Variants in ZFAT observed in about 807,000 individuals in gnomAD.
The protein encoded by ZFAT is zinc finger and AT-hook domain containing.
A neutral mutation model predicts 117.7 loss-of-function variants in ZFAT; 64 were observed. The ratio of observed to expected loss-of-function variants is 0.54; its 90% CI spans 0.44 to 0.67. The LOEUF is 0.67. ZFAT is among the 30% of genes least tolerant of loss of function. The pLI is 0.00. For synonymous variants in ZFAT, 679 were observed against 615.0 expected (o/e 1.10, Z -1.54); for missense variants, 1,433 against 1,584.5 (o/e 0.90, Z 1.62).
chr8:134,714,292 T>C (rs4595088), upstream of ZFAT, among the ~76,000 whole-genome samples: 135,081 of 152,178 alleles, frequency 0.89, 60,135 homozygotes, highest in African/African-American at 0.91. Flanking sequence ...TCACACTTCA[T>C]GTTCCCACAG....
intron 10 of ZFAT, among the ~76,000 whole-genome samples, chr8:134,566,890 G>A (rs1335378119): frequency 6.6e-6 from 1 of 152,060 alleles, no homozygotes; most frequent in African/African-American, 2.4e-5. Context: ...CCACCTCTCT[G>A]GGCCTCTCTA....
At chr8:134,794,442 C>T in the ZFAT span, 1 of 152,210 alleles carries the variant, frequency 6.6e-6, no homozygotes, top group African/African-American at 2.4e-5. Context: ...CTGCTCTATT[C>T]TACCTATCTC....
At chr8:134,793,929 A>G in the ZFAT span, 292 of 152,358 alleles carry the variant, frequency 1.9e-3, 3 homozygotes, top group African/African-American at 6.7e-3. Context: ...GTCACAGAGG[A>G]AAAGGAATTT....
the ZFAT span, among the ~76,000 whole-genome samples, chr8:134,791,762 G>T: frequency 6.6e-6 from 1 of 152,052 alleles, no homozygotes; most frequent in Non-Finnish European, 1.5e-5. Flanking sequence ...AATATGCCCA[G>T]CAAAAAAACT....
At chr8:134,651,130 G>A (rs565697522) in intron 2 of ZFAT, among the ~76,000 whole-genome samples, 1 of 152,292 alleles carries the variant, frequency 6.6e-6, no homozygotes, top group South Asian at 2.1e-4. Flanking sequence ...GACAGTCCTT[G>A]AAAAACTTAA....
chr8:134,735,279 G>C, the ZFAT span, among the ~76,000 whole-genome samples: 1 of 152,180 alleles, frequency 6.6e-6, no homozygotes, highest in Non-Finnish European at 1.5e-5. Context: ...AAGCCTGAAA[G>C]GGTTGTGTGA....
Position 134,478,672 on chromosome 8 carries a change from G to A in ZFAT, c.3542C>T (p.Thr1181Met), listed in dbSNP as rs577332990. ...AAGCTCCACGGACGCTTGCTGGACC[G>A]TCTCCTGGATCATGACCGTGTGGTT... ...SSNHTVMIQE[T>M]VQQASVELAE... Residue 1181 changes from threonine (T) to methionine (M), a missense_variant, in exon 16 of 16, where the codon ACG (threonine) becomes ATG (methionine). Coordinates refer to ENST00000377838, the MANE Select transcript of ZFAT (RefSeq NM_020863.4). This position sits in a 1 kb window ranked among gnomAD's most constrained non-coding sequence, Gnocchi z 5.2. 41 of 1,581,642 alleles carry A rather than the reference G, an allele frequency of 2.6e-5. No homozygotes were observed. The highest frequency in any genetic ancestry group is 3.6e-5 in the Admixed American group (2 of 55,744).
At chr8:134,760,768 C>T in the ZFAT span, among the ~76,000 whole-genome samples, 1 of 152,136 alleles carries the variant, frequency 6.6e-6, no homozygotes, top group African/African-American at 2.4e-5. Context: ...AAAAAGCAGT[C>T]TAATTGGTGA....
chr8:134,784,679 T>A, the ZFAT span: 2 of 152,194 alleles, frequency 1.3e-5, no homozygotes, highest in African/African-American at 4.8e-5. Context: ...TGTTTTATCA[T>A]ACATATGTTC....
intron 15 of ZFAT, among the ~76,000 whole-genome samples, chr8:134,497,484 T>C (rs868834797): frequency 5.9e-5 from 7 of 118,544 alleles, no homozygotes; most frequent in African/African-American, 2.4e-4. Flanking sequence ...CAGAGCCTGA[T>C]TTGGTAGGGT....
the ZFAT span, among the ~76,000 whole-genome samples, chr8:134,789,699 G>A: frequency 9.9e-5 from 15 of 152,204 alleles, no homozygotes; most frequent in Admixed American, 2.0e-4. Context: ...TTATAGTACC[G>A]GACACCTGGA....
chr8:134,820,103 T>C, the ZFAT span, among the ~76,000 whole-genome samples: 46,558 of 152,108 alleles, frequency 0.31, 7,808 homozygotes, highest in African/African-American at 0.44. Context: ...GAAGGAAGCT[T>C]ATAATCACAA....
chr8:134,565,467 T>C (rs751363593), intron 10 of ZFAT, 46 bp from the exon 11 acceptor site: 4 of 1,570,170 alleles, frequency 2.5e-6, no homozygotes, highest in Non-Finnish European at 3.5e-6. Flanking sequence ...GGCCAACAGC[T>C]CCCACTGTGA....
chr8:134,589,272 G>C (rs541065075), intron 8 of ZFAT, among the ~76,000 whole-genome samples: 35 of 152,330 alleles, frequency 2.3e-4, no homozygotes, highest in African/African-American at 8.4e-4. Context: ...GGACAGAGCT[G>C]GGCCTTCAGA....
intron 14 of ZFAT, among the ~76,000 whole-genome samples, chr8:134,511,377 G>C (rs991777982): frequency 3.3e-5 from 5 of 152,174 alleles, no homozygotes; most frequent in African/African-American, 9.7e-5. Flanking sequence ...TCAGTGCTGA[G>C]AGCCACATTT....
In ZFAT at chr8:134,602,884, C is replaced by A. The variant is rs867030970; in HGVS notation, c.835G>T (p.Val279Phe). 12 of 1,613,706 alleles carry A rather than the reference C, an allele frequency of 7.4e-6. No individual in the cohort carries two copies. The highest frequency in any genetic ancestry group is 1.6e-4 in the Middle Eastern group (1 of 6,080). The change falls in exon 6 of 16, where the codon GTC becomes TTC. Residue 279 changes from valine (V) to phenylalanine (F), a missense_variant. Val to Phe is a conservative substitution (Grantham distance 50). This residue lies in a region of ZFAT where 436 missense variants were observed against 482.0 expected (regional missense o/e 0.90). Transcript: ENST00000377838. Reference protein sequence around the residue: ...KIFTCEYCNKVFKFKHSLQAH... With the variant: ...KIFTCEYCNKFFKFKHSLQAH... The stretch of plus-strand genomic sequence containing the variant: ...TGCAGCGAGTGCTTGAACTTGAAGA[C>A]CTTGTTGCAGTATTCACAAGTGAAG...
intron 15 of ZFAT, among the ~76,000 whole-genome samples, chr8:134,508,104 T>C (rs1394077355): frequency 1.3e-5 from 2 of 152,068 alleles, no homozygotes; most frequent in Non-Finnish European, 2.9e-5. Context: ...CTGAGAGAAA[T>C]CACACTGTGG....
At chr8:134,572,837 T>A (rs1011759607) in intron 10 of ZFAT, among the ~76,000 whole-genome samples, 2 of 151,476 alleles carry the variant, frequency 1.3e-5, no homozygotes, top group Non-Finnish European at 2.9e-5. Context: ...GAACAAAGAC[T>A]TCCTGGTCAG....
At chr8:134,647,064 C>T (rs537989952) in intron 2 of ZFAT, among the ~76,000 whole-genome samples, 1 of 152,144 alleles carries the variant, frequency 6.6e-6, no homozygotes, top group East Asian at 1.9e-4. Context: ...CAAAGCTAGA[C>T]AGACACTACA....
Sources: allele counts gnomAD v4.1 joint callset (sites outside exome capture counted in the v4.1 genomes callset), GRCh38; gene constraint gnomAD v4.1.1; regional missense constraint gnomAD v4.1.1; non-coding constraint Gnocchi (gnomAD v3.1); transcripts MANE v1.5; gene names NCBI Gene and HGNC (gene_info 2026-07-23, HGNC 2026-07-21).